Variants in KDM4C observed in about 807,000 individuals in gnomAD.
KDM4C encodes the protein lysine demethylase 4C.
Under a neutral mutation model 129.3 loss-of-function variants are expected in KDM4C, and 81 were observed. That is an observed-to-expected ratio of 0.63 (90% CI 0.52 to 0.75). The LOEUF is 0.75. KDM4C is among the 30% of genes least tolerant of loss of function. The pLI is 0.00. For missense variants in KDM4C, 1,457 were observed against 1,304.0 expected, an observed-to-expected ratio of 1.12 and a Z score of -1.81; for synonymous variants, 573 against 456.1, an observed-to-expected ratio of 1.26 and a Z score of -3.26.
chr9:6,771,368 A>C (rs988304107), intron 1 of KDM4C, among the ~76,000 whole-genome samples: 1 of 151,634 alleles, frequency 6.6e-6, no homozygotes, highest in African/African-American at 2.4e-5. Context: ...CTGGAGTGCA[A>C]TGTTACGATC....
At chr9:7,046,817 G>A (rs771838079) in intron 15 of KDM4C, 45 bp from the exon 16 acceptor site, 7 of 1,314,248 alleles carry the variant, frequency 5.3e-6, no homozygotes, top group Non-Finnish European at 7.7e-6. Context: ...AATGACTTTT[G>A]TTATGTGGGT....
At chr9:6,784,865 G>A (rs908985961) in intron 1 of KDM4C, among the ~76,000 whole-genome samples, 1 of 152,212 alleles carries the variant, frequency 6.6e-6, no homozygotes, top group Admixed American at 6.5e-5. Context: ...CTGGGTAGAT[G>A]TGCTAACGAT....
At chr9:6,862,193 GT>G (rs1325361287) in intron 5 of KDM4C, among the ~76,000 whole-genome samples, 1 of 152,146 alleles carries the variant, frequency 6.6e-6, no homozygotes, top group Non-Finnish European at 1.5e-5. Flanking sequence ...AAACTGAGTG[GT>G]TTTTGGGAAG....
Position 7,076,406 on chromosome 9 carries a change from CTT to C in KDM4C, c.2424+27209_2424+27210del, listed in dbSNP as rs1234627649. The C allele has an allele frequency of 5.4e-6, 8 of 1,491,558 alleles. No individual in the cohort carries two copies. The South Asian group carries it at 9.7e-5, about 18-fold the overall frequency. The allele number at this position is 1,491,558 out of a possible 1,614,324, so 92.4% of individuals were successfully genotyped here. The stretch of plus-strand genomic sequence containing the variant: ...ATTTATTAAAATCTGGCATATTGGA[CTT>C]TTAAAATTTGCATTGTGTTTTTCAG... On this transcript the variant is annotated intron_variant, in intron 17 of 21. Coordinates refer to ENST00000381309, the MANE Select transcript of KDM4C (RefSeq NM_015061.6).
rs868643309 is a variant in KDM4C at position 7,063,206 on chromosome 9, A to C, written c.2424+14006A>C. Among the ~76,000 whole-genome samples the C allele has an allele frequency of 2.6e-5, 4 of 152,228 alleles. No individual in the cohort carries two copies. In the South Asian group the frequency reaches 8.3e-4, roughly 31 times the overall value. ...TTTGGGGACCAAAGTAGACAAAAAA[A>C]TTCTAATTGCTTTCAGTTCTGGATT... On this transcript the variant is annotated intron_variant, in intron 17 of 21. Transcript: ENST00000381309.
intron 10 of KDM4C, among the ~76,000 whole-genome samples, 171 bp downstream of exon 10, chr9:6,984,575 T>A (rs182242810): frequency 1.5e-3 from 226 of 152,164 alleles, no homozygotes; most frequent in Non-Finnish European, 2.6e-3. Context: ...ATTGTAAAAG[T>A]CAGGAGCCTC....
chr9:7,121,918 G>T lies in KDM4C; in HGVS notation c.2611-6148G>T, dbSNP rs558563189. Among the ~76,000 whole-genome samples, 5 of 151,872 alleles carry T rather than the reference G, an allele frequency of 3.3e-5. No homozygotes were observed. In the East Asian group the frequency reaches 9.7e-4, roughly 29 times the overall value. On this transcript the variant is annotated intron_variant, in intron 18 of 21. Coordinates refer to ENST00000381309, the MANE Select transcript of KDM4C (RefSeq NM_015061.6). The stretch of plus-strand genomic sequence containing the variant: ...TCATGTTTTTCTATGTTTACTTCCT[G>T]GTTGGTTTTATTTCTTCACTCATTT...
intron 8 of KDM4C, among the ~76,000 whole-genome samples, chr9:6,898,962 ATTG>A (rs1405783225): frequency 6.6e-6 from 1 of 152,040 alleles, no homozygotes; most frequent in African/African-American, 2.4e-5. Flanking sequence ...TGCTTTGAGT[ATTG>A]TTCATTTTAA....
chr9:6,959,783 A>T (rs907128156), intron 8 of KDM4C, among the ~76,000 whole-genome samples: 1 of 152,178 alleles, frequency 6.6e-6, no homozygotes, highest in African/African-American at 2.4e-5. Context: ...TGACGGATAT[A>T]TATGTCTTCC....
chr9:6,971,054 A>T (rs1831900811), intron 8 of KDM4C, among the ~76,000 whole-genome samples: 1 of 152,222 alleles, frequency 6.6e-6, no homozygotes, highest in Non-Finnish European at 1.5e-5. Flanking sequence ...TTTTTTTAAA[A>T]AGAAAAGATT....
chr9:7,003,787 G>A (rs141065952), intron 12 of KDM4C, among the ~76,000 whole-genome samples: 30 of 152,068 alleles, frequency 2.0e-4, no homozygotes, highest in African/African-American at 6.7e-4. Flanking sequence ...ATGTTTGAAG[G>A]TCAGCATTTC....
At chr9:7,174,519 T>A (rs375358779) in intron 21 of KDM4C, 34 bp from the exon 22 acceptor site, 2 of 1,604,440 alleles carry the variant, frequency 1.2e-6, no homozygotes, top group African/African-American at 2.7e-5. Flanking sequence ...TCAAATGCCG[T>A]GCCCTTTTGC....
chr9:7,084,327 C>T (rs886513157), intron 17 of KDM4C, among the ~76,000 whole-genome samples: 18 of 152,176 alleles, frequency 1.2e-4, no homozygotes, highest in African/African-American at 3.6e-4. Context: ...AGACCTGGAG[C>T]AGAGCCACAA....
At chr9:6,742,587 T>C (rs531089256) in intron 1 of KDM4C, among the ~76,000 whole-genome samples, 2 of 151,904 alleles carry the variant, frequency 1.3e-5, no homozygotes, top group Non-Finnish European at 2.9e-5. Flanking sequence ...CTGCACTTTT[T>C]CTCCTTTCCT....
chr9:7,129,939 C>A (rs1289871796), intron 19 of KDM4C, among the ~76,000 whole-genome samples: 5 of 152,164 alleles, frequency 3.3e-5, no homozygotes, highest in African/African-American at 1.2e-4. Flanking sequence ...TAAGAAGTTT[C>A]AGAAACAGTA....
At chr9:6,883,232 A>T (rs1373627677) in intron 6 of KDM4C, among the ~76,000 whole-genome samples, 3 of 152,202 alleles carry the variant, frequency 2.0e-5, no homozygotes, top group Non-Finnish European at 4.4e-5. Context: ...CACTTAGCTG[A>T]TAGTCTGAAA....
intron 18 of KDM4C, among the ~76,000 whole-genome samples, chr9:7,105,960 T>G (rs1422576644): frequency 1.3e-5 from 2 of 152,174 alleles, no homozygotes; most frequent in East Asian, 3.8e-4. Flanking sequence ...GGGGAAAAGA[T>G]CATATAATTT....
rs572191600 is a variant in KDM4C, at chr9:6,788,788, G to T, written c.-17-4184G>T. Among the ~76,000 whole-genome samples, 5 of 152,312 alleles carry T rather than the reference G, an allele frequency of 3.3e-5. No homozygotes were observed. The East Asian group carries it at 7.7e-4, about 24-fold the overall frequency. On this transcript the variant is annotated intron_variant, in intron 1 of 21. Transcript: ENST00000381309. ...GGCAACTGCTATAATGAACGCAGAGGGGGAGTTGGGAACACGGTGATGGGT... is the reference window on the plus strand; with the variant it reads ...GGCAACTGCTATAATGAACGCAGAGTGGGAGTTGGGAACACGGTGATGGGT...
intron 15 of KDM4C, among the ~76,000 whole-genome samples, chr9:7,016,566 C>G (rs59601164): frequency 6.6e-6 from 1 of 151,370 alleles, no homozygotes; most frequent in African/African-American, 2.4e-5. Context: ...TCTGGGACTA[C>G]GGGCGCCTGC....
Sources: allele counts gnomAD v4.1 joint callset (sites outside exome capture counted in the v4.1 genomes callset), GRCh38; gene constraint gnomAD v4.1.1; transcripts MANE v1.5; gene names NCBI Gene and HGNC (gene_info 2026-07-23, HGNC 2026-07-21).